NTRK3: variants seen among roughly 807,000 people sequenced by gnomAD.
The protein encoded by NTRK3 is neurotrophic receptor tyrosine kinase 3.
NTRK3 carries 24 observed loss-of-function variants against 91.7 expected under a neutral mutation model. The observed-to-expected ratio is 0.26, with a 90% confidence interval of 0.19 to 0.37. The LOEUF is 0.37. NTRK3 is among the 10% of genes least tolerant of loss of function. NTRK3 has a pLI of 1.00. For synonymous variants in NTRK3, 483 were observed against 404.0 expected, an observed-to-expected ratio of 1.20 and a Z score of -2.34; for missense variants, 880 against 1,068.9, an observed-to-expected ratio of 0.82 and a Z score of 2.46.
Position 87,985,799 on chromosome 15 carries a change from C to A in NTRK3, c.1586-45046G>T, listed in dbSNP as rs200475265. 4.6e-5 allele frequency among the ~76,000 whole-genome samples: 7 copies of A among 152,214 alleles called. No individual in the cohort carries two copies. The East Asian group carries it at 1.2e-3, about 25-fold the overall frequency. On this transcript the variant is annotated intron_variant, in intron 14 of 18. Transcript: ENST00000394480. The stretch of plus-strand genomic sequence containing the variant: ...GATTCTCAGACAAAAGCAAAAGACT[C>A]GCTCCTGAAGGGATCTTGAAGGCTC...
chr15:88,019,273 G>A (rs1021859177), intron 14 of NTRK3, among the ~76,000 whole-genome samples: 3 of 152,218 alleles, frequency 2.0e-5, no homozygotes, highest in Non-Finnish European at 2.9e-5. Flanking sequence ...AGAGGAGCAG[G>A]ATGACAGTAT....
At chr15:88,160,943 C>T (rs998879032) in intron 5 of NTRK3, among the ~76,000 whole-genome samples, 1 of 152,158 alleles carries the variant, frequency 6.6e-6, no homozygotes, top group Non-Finnish European at 1.5e-5. Context: ...CTCTCTGGAC[C>T]TCAGATTCTT....
At chr15:88,077,766 G>C (rs561569931) in intron 13 of NTRK3, among the ~76,000 whole-genome samples, 6 of 152,192 alleles carry the variant, frequency 3.9e-5, no homozygotes, top group Non-Finnish European at 8.8e-5. Flanking sequence ...ACGGAGTTGG[G>C]ATGTGGCCCC....
At chr15:88,223,651 C>T (rs764213101) in intron 3 of NTRK3, among the ~76,000 whole-genome samples, 37 of 152,198 alleles carry the variant, frequency 2.4e-4, no homozygotes, top group Admixed American at 2.2e-3. Context: ...AGTACTCAAC[C>T]TTTTGGGGTC....
At chr15:88,019,167 C>T (rs2077435860) in intron 14 of NTRK3, among the ~76,000 whole-genome samples, 1 of 152,142 alleles carries the variant, frequency 6.6e-6, no homozygotes, top group African/African-American at 2.4e-5. Context: ...GGTTGCTCTC[C>T]CTAAGAGGAG....
At chr15:88,095,731 A>G (rs1316943677) in intron 13 of NTRK3, among the ~76,000 whole-genome samples, 2 of 152,214 alleles carry the variant, frequency 1.3e-5, no homozygotes, top group Non-Finnish European at 2.9e-5. Flanking sequence ...AGTAATTTGG[A>G]GGATGAGGTA....
chr15:87,909,154 AC>A (rs756278815), intron 17 of NTRK3, among the ~76,000 whole-genome samples: 3 of 151,848 alleles, frequency 2.0e-5, no homozygotes. Context: ...GAATGTCACC[AC>A]CATGGAGCCT....
At chr15:88,208,391 A>G (rs778254842) in intron 3 of NTRK3, among the ~76,000 whole-genome samples, 18 of 152,188 alleles carry the variant, frequency 1.2e-4, no homozygotes, top group Non-Finnish European at 2.6e-4. Context: ...CACAAAGGAA[A>G]TAAGATTCAC....
At chr15:88,242,736 G>A (rs77245185) in intron 3 of NTRK3, among the ~76,000 whole-genome samples, 3 of 152,296 alleles carry the variant, frequency 2.0e-5, no homozygotes, top group Admixed American at 6.5e-5. Flanking sequence ...CCCTGCTAGC[G>A]CATCTGCTCA....
chr15:88,155,820 CTA>C (rs2043839621), intron 5 of NTRK3, among the ~76,000 whole-genome samples: 1 of 151,606 alleles, frequency 6.6e-6, no homozygotes, highest in African/African-American at 2.4e-5. Flanking sequence ...ATCTATCTAT[CTA>C]TCTATCTATC....
intron 13 of NTRK3, among the ~76,000 whole-genome samples, chr15:88,039,413 G>T (rs542084186): frequency 6.6e-6 from 1 of 152,198 alleles, no homozygotes; most frequent in South Asian, 2.1e-4. Context: ...CAGATCCACG[G>T]TGGATTTTAT....
chr15:88,001,689 T>C (rs141963299), intron 14 of NTRK3, among the ~76,000 whole-genome samples: 4 of 152,308 alleles, frequency 2.6e-5, no homozygotes, highest in African/African-American at 7.2e-5. Context: ...TTCTACTCCA[T>C]TGATCTATGT....
intron 14 of NTRK3, among the ~76,000 whole-genome samples, chr15:87,968,189 G>C (rs1479474189): frequency 6.6e-6 from 1 of 152,188 alleles, no homozygotes; most frequent in Non-Finnish European, 1.5e-5. Context: ...GAATGTGTGT[G>C]TATACTTGAG....
chr15:88,217,282 G>C (rs1354547768), intron 3 of NTRK3, among the ~76,000 whole-genome samples: 1 of 152,192 alleles, frequency 6.6e-6, no homozygotes, highest in East Asian at 1.9e-4. Flanking sequence ...AGGTCTCAAA[G>C]AGATAACTAA....
intron 13 of NTRK3, among the ~76,000 whole-genome samples, chr15:88,114,017 A>G (rs1289241807): frequency 6.6e-6 from 1 of 151,960 alleles, no homozygotes; most frequent in African/African-American, 2.4e-5. Context: ...CCCCCCCACC[A>G]CCAACAACAA....
intron 14 of NTRK3, among the ~76,000 whole-genome samples, chr15:87,945,026 C>G (rs2070310645): frequency 6.6e-6 from 1 of 152,206 alleles, no homozygotes; most frequent in Non-Finnish European, 1.5e-5. Flanking sequence ...TACTGCCTGG[C>G]TGGCTGGCCC....
Position 88,136,581 on chromosome 15 carries a change from G to A in NTRK3, c.651C>T (p.Val217=), listed in dbSNP as rs556582723. Residue 217 remains valine, a synonymous_variant, in exon 8 of 19, where the codon GTC becomes GTT. Coordinates refer to ENST00000394480, the Ensembl canonical transcript of NTRK3. ...TGTCACCCTCTCGTACGGTCAGGTT[G>A]ACGTGGCTCACGCTGATCTCAGGAA... 6.2e-6 allele frequency: 10 copies of A among 1,613,500 alleles called. No homozygotes were observed. The African/African-American group carries it at 1.1e-4, about 17-fold the overall frequency.
At chr15:88,074,574 TA>T (rs1458825639) in intron 13 of NTRK3, among the ~76,000 whole-genome samples, 2 of 152,162 alleles carry the variant, frequency 1.3e-5, no homozygotes, top group Non-Finnish European at 2.9e-5. Context: ...ACCCAGGCCC[TA>T]ATCATGGAAA....
chr15:88,213,308 C>T (rs2049425853), intron 3 of NTRK3, among the ~76,000 whole-genome samples: 1 of 152,210 alleles, frequency 6.6e-6, no homozygotes, highest in Non-Finnish European at 1.5e-5. Context: ...CTCTTCTCCA[C>T]TGGAGGAAAC....
Sources: gnomAD v4.1 joint callset for allele counts (sites outside exome capture counted in the v4.1 genomes callset) on GRCh38, gnomAD v4.1.1 for gene constraint, MANE v1.5 for transcripts, NCBI Gene and HGNC (gene_info 2026-07-23, HGNC 2026-07-21) for gene names.